The following FAM53A variants were observed in gnomAD, a reference collection of about 807,000 sequenced individuals.
The protein encoded by FAM53A is protein FAM53A.
Under a neutral mutation model 26.6 loss-of-function variants are expected in FAM53A, and 28 were observed. The ratio of observed to expected loss-of-function variants is 1.05; its 90% confidence interval spans 0.78 to 1.45. The LOEUF (loss-of-function observed/expected upper bound fraction) is 1.45. Ranked by LOEUF, FAM53A falls within the 40% of genes most tolerant of loss-of-function variation. The pLI is 0.00. For missense variants in FAM53A, 650 were observed against 575.8 expected (o/e 1.13, Z -1.32); for synonymous variants, 290 against 253.1 (o/e 1.15, Z -1.38).
At chr4:1,680,319 C>CAAAAAAA (rs143458191) in intron 1 of FAM53A, among the ~76,000 whole-genome samples, 6 of 82,694 alleles carry the variant, frequency 7.3e-5, no homozygotes, top group Non-Finnish European at 6.2e-5. Context: ...AACTCCGTCT[C>CAAAAAAA]AAAAAAAAAA....
At chr4:1,595,977 A>G in the FAM53A span, among the ~76,000 whole-genome samples, 5 of 152,238 alleles carry the variant, frequency 3.3e-5, no homozygotes, top group East Asian at 1.9e-4. Context: ...GCTGAGCTCA[A>G]TGGGGACCAG....
the FAM53A span, among the ~76,000 whole-genome samples, chr4:1,604,900 G>A: frequency 6.6e-6 from 1 of 152,204 alleles, no homozygotes; most frequent in Non-Finnish European, 1.5e-5. Flanking sequence ...CTGCTCCCAG[G>A]ACCTCAACTC....
At chr4:1,651,971 C>T (rs1233053612) in intron 4 of FAM53A, among the ~76,000 whole-genome samples, 6 of 151,296 alleles carry the variant, frequency 4.0e-5, no homozygotes, top group African/African-American at 9.7e-5. Context: ...ACACCATGCA[C>T]GCACACACCA....
chr4:1,678,095 G>A (rs1715164593), intron 1 of FAM53A, among the ~76,000 whole-genome samples: 1 of 152,196 alleles, frequency 6.6e-6, no homozygotes, highest in Non-Finnish European at 1.5e-5. Flanking sequence ...TGTGTGCCCA[G>A]GCACAGCGGC....
chr4:1,622,638 G>T (rs955287998), intron 1 of FAM53A, among the ~76,000 whole-genome samples: 124 of 152,386 alleles, frequency 8.1e-4, no homozygotes, highest in Non-Finnish European at 2.4e-4. Flanking sequence ...GGGGTCTGGC[G>T]GGGGCTGTGA....
the FAM53A span, among the ~76,000 whole-genome samples, chr4:1,593,041 C>G: frequency 1.3e-5 from 2 of 152,200 alleles, no homozygotes; most frequent in Admixed American, 1.3e-4. Context: ...GTGCCCAGGG[C>G]CGAGGGCCCA....
chr4:1,671,325 C>T (rs1714642693), intron 1 of FAM53A, among the ~76,000 whole-genome samples: 2 of 137,602 alleles, frequency 1.5e-5, no homozygotes, highest in Admixed American at 7.4e-5. Context: ...TCTGTCCCAG[C>T]GTCAGAGCCC....
the FAM53A span, among the ~76,000 whole-genome samples, chr4:1,582,724 G>A: frequency 1.7e-3 from 252 of 152,238 alleles, 2 homozygotes; most frequent in South Asian, 7.5e-3. Context: ...GTGTGGTGGC[G>A]CACATCTGTA....
rs374778455 is a variant in FAM53A at position 1,627,834 on chromosome 4, G to A, written c.432-9723C>T. ...GCAGCCCCTCCAGAGGTCATGCAGG[G>A]GGCCTGGAGCTTGAGCCATGAGCCT... On this transcript the variant is annotated intron_variant, in intron 1 of 1. Transcript: ENST00000489029. 1.4e-3 allele frequency among the ~76,000 whole-genome samples: 206 copies of A among 152,076 alleles called. 2 individuals carry two copies. Among genetic ancestry groups the A allele is most frequent in the South Asian group, 4.6e-3 (22 of 4,820 alleles).
At chr4:1,666,577 G>C (rs28589645) in intron 2 of FAM53A, among the ~76,000 whole-genome samples, 149,495 of 152,378 alleles carry the variant, frequency 0.98, 73,399 homozygotes, top group East Asian at 1. Context: ...GGAAAGCTGC[G>C]CACGCCCTGG....
intron 4 of FAM53A, among the ~76,000 whole-genome samples, chr4:1,642,315 C>T (rs576107638): frequency 5.9e-5 from 9 of 152,302 alleles, no homozygotes; most frequent in South Asian, 2.1e-4. Context: ...TCATCCCAGG[C>T]GAGTAGCTTC....
chr4:1,575,334 T>A, the FAM53A span, among the ~76,000 whole-genome samples: 6 of 152,220 alleles, frequency 3.9e-5, no homozygotes, highest in African/African-American at 1.4e-4. Context: ...TCCCACCCTG[T>A]GCCCGAGTTG....
intron 4 of FAM53A, among the ~76,000 whole-genome samples, chr4:1,652,933 AC>A (rs936406267): frequency 6.9e-6 from 1 of 145,784 alleles, no homozygotes; most frequent in Non-Finnish European, 1.5e-5. Flanking sequence ...CACCACACAC[AC>A]CCCCACCACA....
downstream of FAM53A, among the ~76,000 whole-genome samples, chr4:1,615,332 C>CCGAAGACAGGA (rs1560100397): frequency 7.1e-6 from 1 of 141,226 alleles, no homozygotes; most frequent in Admixed American, 7.0e-5. Flanking sequence ...TGGGCGCACA[C>CCGAAGACAGGA]TGAAGACAGG....
the FAM53A span, chr4:1,574,395 C>CAA: frequency 6.6e-6 from 1 of 152,514 alleles, no homozygotes; most frequent in Non-Finnish European, 1.5e-5. Flanking sequence ...GTGCCCTCCT[C>CAA]ATCCCCTCCC....
At chr4:1,658,666 C>T (rs1030100901) in intron 2 of FAM53A, among the ~76,000 whole-genome samples, 1 of 152,254 alleles carries the variant, frequency 6.6e-6, no homozygotes, top group East Asian at 1.9e-4. Flanking sequence ...GCTCTCTTCC[C>T]TACCCCATGA....
chr4:1,579,791 G>A, the FAM53A span, among the ~76,000 whole-genome samples: 3 of 152,284 alleles, frequency 2.0e-5, no homozygotes, highest in African/African-American at 7.2e-5. Flanking sequence ...GATACGAAGG[G>A]GCGCGGCCCC....
chr4:1,620,928 G>A (rs1714999164), intron 1 of FAM53A, among the ~76,000 whole-genome samples: 2 of 152,088 alleles, frequency 1.3e-5, no homozygotes, highest in South Asian at 2.1e-4. Context: ...ACATACGTAG[G>A]CAACCTCTGG....
At chr4:1,670,219 G>T (rs1004412325) in intron 1 of FAM53A, among the ~76,000 whole-genome samples, 2 of 152,268 alleles carry the variant, frequency 1.3e-5, no homozygotes, top group Admixed American at 6.5e-5. Flanking sequence ...TGCTGGAAAG[G>T]TTTCAACACG....
Sources: gnomAD v4.1 joint callset for allele counts (sites outside exome capture counted in the v4.1 genomes callset) on GRCh38, gnomAD v4.1.1 for gene constraint, MANE v1.5 for transcripts, NCBI Gene and HGNC (gene_info 2026-07-23, HGNC 2026-07-21) for gene names.